Variants in UBA52 observed in about 807,000 individuals in gnomAD.
UBA52 encodes the protein ubiquitin A-52 residue ribosomal protein fusion product 1.
A neutral mutation model predicts 15.3 loss-of-function variants in UBA52; 1 was observed. The ratio of observed to expected loss-of-function variants is 0.07; its 90% CI spans 0.02 to 0.31. UBA52 has a LOEUF of 0.31. Among genes scored for constraint, UBA52 ranks in the 10% least tolerant of loss-of-function variants. The probability of loss-of-function intolerance (pLI) is 1.00; values close to 1 mark genes in which losing one functional copy is unlikely to be tolerated. For synonymous variants in UBA52, 50 were observed against 58.3 expected (o/e 0.86, Z 0.65); for missense variants, 87 against 168.0 (o/e 0.52, Z 2.66).
At position 18,576,979 on chromosome 19, in the gene UBA52, T is replaced by TA. The variant is rs1348929372; in HGVS notation, c.*1829_*1830insA. The TA allele has an allele frequency of 6.8e-5, 10 of 146,240 alleles. No individual in the cohort carries two copies. Among genetic ancestry groups the TA allele is most frequent in the African/African-American group, 2.6e-4 (10 of 38,176 alleles). 9.1% of individuals were successfully genotyped at this position (146,240 alleles called of 1,614,324 possible). On this transcript the variant is annotated 3_prime_UTR_variant, in exon 5 of 5. Coordinates refer to ENST00000442744, the MANE Select transcript of UBA52 (RefSeq NM_001033930.3). ...CACAGCGCCTGGCCTTGCTACATTT[T>TA]TTTTTTTTTTTTTTTTTTTACAGAC...
upstream of UBA52, chr19:18,568,386 G>A: frequency 6.3e-7 from 1 of 1,596,972 alleles, no homozygotes; most frequent in Non-Finnish European, 8.6e-7. Context: ...CCAACTCTTG[G>A]GCCTCCTTCC....
chr19:18,570,514 T>C (rs899051347), upstream of UBA52, among the ~76,000 whole-genome samples: 1 of 138,360 alleles, frequency 7.2e-6, no homozygotes, highest in Non-Finnish European at 1.6e-5. Flanking sequence ...GCACTTTTTT[T>C]TTTTTTTTTT....
chr19:18,568,302 A>G (rs533497864), upstream of UBA52: 1,246 of 808,354 alleles, frequency 1.5e-3, 15 homozygotes, highest in African/African-American at 0.019. Context: ...TCATACCCCC[A>G]TGGGGTGAGG....
At chr19:18,567,265 T>A (rs1416171138), upstream of UBA52, 7 of 1,358,252 alleles carry the variant, frequency 5.2e-6, no homozygotes, top group East Asian at 1.6e-4. Context: ...TGGGGCCTGA[T>A]ACTGAGACCA....
chr19:18,567,314 G>A, upstream of UBA52: 1 of 883,386 alleles, frequency 1.1e-6, no homozygotes, highest in Non-Finnish European at 1.8e-6. Context: ...ACCTGGGGTG[G>A]GGGCAGGGTC....
the UBA52 span, among the ~76,000 whole-genome samples, chr19:18,565,536 CAG>C: frequency 9.8e-4 from 149 of 152,040 alleles, no homozygotes; most frequent in African/African-American, 3.5e-3. Flanking sequence ...CCGGCCGAGA[CAG>C]AGTCTTGATC....
At chr19:18,573,633 G>A in intron 2 of UBA52, 29 bp from the exon 3 acceptor site, 1 of 1,610,844 alleles carries the variant, frequency 6.2e-7, no homozygotes, top group South Asian at 1.1e-5. Flanking sequence ...GGTCCGCAGA[G>A]CCTCTAACTG....
the UBA52 span, chr19:18,564,969 A>T: frequency 1.2e-6 from 2 of 1,612,002 alleles, no homozygotes; most frequent in Non-Finnish European, 1.7e-6. Context: ...GCACCACACG[A>T]GGACCCTAGT....
At chr19:18,564,855 C>G in the UBA52 span, 1 of 1,613,212 alleles carries the variant, frequency 6.2e-7, no homozygotes, top group Non-Finnish European at 8.5e-7. Flanking sequence ...CTCATGCCCT[C>G]TCTCCACCAT....
chr19:18,568,991 C>T, upstream of UBA52: 1 of 293,008 alleles, frequency 3.4e-6, no homozygotes, highest in Non-Finnish European at 6.5e-6. Flanking sequence ...TGTCCCCCAC[C>T]ACCGGTCAGG....
chr19:18,564,193 G>GT, the UBA52 span, among the ~76,000 whole-genome samples: 207 of 152,158 alleles, frequency 1.4e-3, no homozygotes, highest in African/African-American at 4.9e-3. Context: ...CTGGTCTCCT[G>GT]TTTTTTTAGG....
upstream of UBA52, among the ~76,000 whole-genome samples, chr19:18,567,584 TGTGA>T (rs780958819): frequency 6.6e-5 from 10 of 152,166 alleles, no homozygotes; most frequent in African/African-American, 1.7e-4. Flanking sequence ...GGGTGGGGAC[TGTGA>T]GTATCACCGT....
At chr19:18,570,191 C>G (rs1300870114), upstream of UBA52, among the ~76,000 whole-genome samples, 1 of 142,294 alleles carries the variant, frequency 7.0e-6, no homozygotes, top group Non-Finnish European at 1.6e-5. Context: ...CTTCTCTGTA[C>G]TCAGCACTTT....
upstream of UBA52, among the ~76,000 whole-genome samples, chr19:18,568,113 C>A (rs1485286529): frequency 1.3e-5 from 2 of 152,008 alleles, no homozygotes; most frequent in Non-Finnish European, 2.9e-5. Flanking sequence ...AGTAAAAATA[C>A]AAAATTAGAT....
chr19:18,567,134 C>G (rs778930671), upstream of UBA52: 11 of 1,614,070 alleles, frequency 6.8e-6, no homozygotes, highest in East Asian at 2.2e-4. Context: ...CCCTGCAGGA[C>G]GCTGAAAGGG....
chr19:18,565,281 G>A, the UBA52 span: 136 of 958,446 alleles, frequency 1.4e-4, no homozygotes, highest in Admixed American at 1.7e-4. Context: ...CCAGGCTGGA[G>A]TGCAGTGGCG....
upstream of UBA52, chr19:18,567,207 G>C (rs144111963): frequency 5.7e-5 from 92 of 1,612,006 alleles, 1 homozygote; most frequent in South Asian, 9.7e-4. Flanking sequence ...TCCTGCTCCC[G>C]AGCACGTCAG....
chr19:18,566,940 T>C (rs1055731011), upstream of UBA52, among the ~76,000 whole-genome samples: 1 of 152,042 alleles, frequency 6.6e-6, no homozygotes, highest in Non-Finnish European at 1.5e-5. Flanking sequence ...GGCCGGCTGG[T>C]GGGCGACTGT....
the UBA52 span, chr19:18,564,850 G>A: frequency 1.2e-6 from 2 of 1,612,856 alleles, no homozygotes; most frequent in Non-Finnish European, 1.7e-6. Context: ...TGAAGCTCAT[G>A]CCCTCTCTCC....
Sources: gnomAD v4.1 joint callset for allele counts (sites outside exome capture counted in the v4.1 genomes callset) on GRCh38, gnomAD v4.1.1 for gene constraint, MANE v1.5 for transcripts, NCBI Gene and HGNC (gene_info 2026-07-23, HGNC 2026-07-21) for gene names.